CRMP1: variants seen among roughly 807,000 people sequenced by gnomAD.
The protein encoded by CRMP1 is collapsin response mediator protein 1.
In CRMP1, 19 loss-of-function variants were observed where a neutral mutation model predicts 68.3. The ratio of observed to expected loss-of-function variants is 0.28; its 90% CI spans 0.19 to 0.41. CRMP1 has a LOEUF of 0.41. Ranked by LOEUF, CRMP1 falls within the 10% of genes least tolerant of loss-of-function variation. CRMP1 has a pLI of 1.00. For missense variants in CRMP1, 791 were observed against 967.4 expected, an observed-to-expected ratio of 0.82 and a Z score of 2.42; for synonymous variants, 439 against 399.6, an observed-to-expected ratio of 1.10 and a Z score of -1.18.
rs73063635 is a variant in CRMP1, at chr4:5,860,900, G to T, written c.655+126C>A. 1.6e-3 allele frequency: 1,517 copies of T among 926,926 alleles called. 16 individuals carry two copies. The African/African-American group carries it at 0.021, about 13-fold the overall frequency. The allele number at this position is 926,926 out of a possible 1,614,324, so 57.4% of individuals were successfully genotyped here. On this transcript the variant is annotated intron_variant, in intron 3 of 13. Transcript: ENST00000324989. This position sits in a 1 kb window ranked among gnomAD's most constrained non-coding sequence, Gnocchi z 4.2. ...AACAGTGACCTGTGTCATAGGGCTG[G>T]GGGGAGAATGAAATCCAATGGCACC...
chr4:5,839,199 CG>C (rs1180972783), intron 9 of CRMP1, among the ~76,000 whole-genome samples: 1 of 152,220 alleles, frequency 6.6e-6, no homozygotes, highest in Non-Finnish European at 1.5e-5. Context: ...GTGCCAGGTC[CG>C]GGGTGACACA....
chr4:5,832,502 C>T (rs1286424507), intron 11 of CRMP1, among the ~76,000 whole-genome samples: 2 of 152,192 alleles, frequency 1.3e-5, no homozygotes, highest in African/African-American at 4.8e-5. Flanking sequence ...AAGGAATGAT[C>T]TCTTTTCATT....
In CRMP1 at chr4:5,854,518, T is replaced by C. The variant is rs1034807543; in HGVS notation, c.820+1625A>G. Among the ~76,000 whole-genome samples, 1 of 151,184 alleles carries C rather than the reference T, an allele frequency of 6.6e-6. No individual in the cohort carries two copies. The highest frequency in any genetic ancestry group is 1.5e-5 in the Non-Finnish European group (1 of 67,888). ...CCTCAGCCTCCCGAAGTGCTAGGAT[T>C]ACAGGCATGAGCCACCATGGCCAAT... On this transcript the variant is annotated intron_variant, in intron 4 of 13. Coordinates refer to ENST00000324989, the MANE Select transcript of CRMP1 (RefSeq NM_001014809.3). The surrounding 1 kb of genome is among the most constrained non-coding windows in gnomAD (Gnocchi z 4.0).
Position 5,834,999 on chromosome 4 carries a change from T to C in CRMP1, c.1623+916A>G, listed in dbSNP as rs1365007133. Among the ~76,000 whole-genome samples, 3 of 152,234 alleles carry C rather than the reference T, an allele frequency of 2.0e-5. No homozygotes were observed. The highest frequency in any genetic ancestry group is 7.2e-5 in the African/African-American group (3 of 41,464). ...GCTACAAGTGTTTCCTGTGGCTTTC[T>C]TATGAAACTTCCTTGTGCCTCATGT... On this transcript the variant is annotated intron_variant, in intron 11 of 13. Transcript: ENST00000324989. The surrounding 1 kb of genome is among the most constrained non-coding windows in gnomAD (Gnocchi z 4.3).
At chr4:5,873,159 G>C (rs1334140060) in intron 1 of CRMP1, among the ~76,000 whole-genome samples, 1 of 152,196 alleles carries the variant, frequency 6.6e-6, no homozygotes, top group East Asian at 1.9e-4. Flanking sequence ...GGGAGGCTAA[G>C]TCAACAGCTG....
At chr4:5,839,700 C>G (rs777224015) in intron 8 of CRMP1, 22 bp from the exon 9 acceptor site, 88 of 1,602,208 alleles carry the variant, frequency 5.5e-5, no homozygotes, top group Non-Finnish European at 7.2e-5. Context: ...AAAACATAAG[C>G]CTGGTTAAAA....
At chr4:5,823,241 A>G (rs922507300) in intron 13 of CRMP1, among the ~76,000 whole-genome samples, 5 of 152,150 alleles carry the variant, frequency 3.3e-5, no homozygotes, top group Admixed American at 2.6e-4. Flanking sequence ...ACATTACATG[A>G]TTTGTCTATG....
rs1423538532 is a variant in CRMP1, at chr4:5,892,865, C to T, written c.105G>A (p.Met35Ile). 7.1e-7 allele frequency: 1 copy of T among 1,417,348 alleles called. No individual in the cohort carries two copies. 87.8% of individuals were successfully genotyped at this position (1,417,348 alleles called of 1,614,324 possible). A position where few individuals can be genotyped will look rare whatever the true frequency, so the allele number is the denominator to read the frequency against. Residue 35 changes from methionine to isoleucine, a missense_variant, in exon 1 of 14, where the codon ATG (methionine) becomes ATA (isoleucine). Transcript: ENST00000324989. The surrounding 1 kb of genome is among the most constrained non-coding windows in gnomAD (Gnocchi z 8.6). ...CGTAGGCGCCCTCCACCGCGGCGAA[C>T]ATGCCGCCGTACTTCTGGCGCGGGG... ...AQTPRQKYGG[M>I]FAAVEGAYEN...
Position 5,821,947 on chromosome 4 carries a change from AC to A in CRMP1, c.1970-97del. 2 of 1,127,238 alleles carry A rather than the reference AC, an allele frequency of 1.8e-6. No individual in the cohort carries two copies. Among genetic ancestry groups the A allele is most frequent in the Non-Finnish European group, 2.5e-6 (2 of 793,686 alleles). 69.8% of individuals were successfully genotyped at this position (1,127,238 alleles called of 1,614,324 possible). A position where few individuals can be genotyped will look rare whatever the true frequency, so the allele number is the denominator to read the frequency against. On this transcript the variant is annotated intron_variant, in intron 13 of 13. Transcript: ENST00000324989. This position sits in a 1 kb window ranked among gnomAD's most constrained non-coding sequence, Gnocchi z 4.4. ...TGTACTCTGCCATGCACTCCACTGG[AC>A]CCACCTTCATTCAGGGCTCAGTCCA...
Position 5,870,941 on chromosome 4 carries a change from C to T in CRMP1, c.382-4185G>A, listed in dbSNP as rs1714393949. ...CTGGTGCATGGCTTCCGGAACACGG[C>T]CGCCCCGCAGGCACCCGTCTGTCTT... On this transcript the variant is annotated intron_variant, in intron 1 of 13. Transcript: ENST00000324989. This position sits in a 1 kb window ranked among gnomAD's most constrained non-coding sequence, Gnocchi z 6.0. Among the ~76,000 whole-genome samples, 2 of 152,180 alleles carry T rather than the reference C, an allele frequency of 1.3e-5. No homozygotes were observed. Among genetic ancestry groups the T allele is most frequent in the Non-Finnish European group, 2.9e-5 (2 of 68,044 alleles).
intron 11 of CRMP1, among the ~76,000 whole-genome samples, chr4:5,833,773 G>C (rs957955016): frequency 6.6e-6 from 1 of 152,090 alleles, no homozygotes; most frequent in Non-Finnish European, 1.5e-5. Context: ...GGCTGGGTGC[G>C]GTGGCTCACA....
chr4:5,856,624 T>TATC (rs1044126510), intron 3 of CRMP1, among the ~76,000 whole-genome samples: 3 of 134,846 alleles, frequency 2.2e-5, no homozygotes, highest in Non-Finnish European at 1.6e-5. Flanking sequence ...TGACCGCCAC[T>TATC]ATCATCATCA....
At position 5,891,037 on chromosome 4, in the gene CRMP1, C is replaced by T. The variant is rs537129741; in HGVS notation, c.381+1552G>A. Among the ~76,000 whole-genome samples, 48 of 152,126 alleles carry T rather than the reference C, an allele frequency of 3.2e-4. No homozygotes were observed. Among genetic ancestry groups the T allele is most frequent in the African/African-American group, 1.0e-3 (43 of 41,514 alleles). ...GCGGCCCAGAAGCCTCCCCATCGGG[C>T]TCGGGAGTTTGGATCCCAAGAGAGG... On this transcript the variant is annotated intron_variant, in intron 1 of 13. Coordinates refer to ENST00000324989, the MANE Select transcript of CRMP1 (RefSeq NM_001014809.3). The surrounding 1 kb of genome is among the most constrained non-coding windows in gnomAD (Gnocchi z 5.2).
intron 1 of CRMP1, chr4:5,887,426 G>T: frequency 1.0e-6 from 1 of 985,508 alleles, no homozygotes; most frequent in Non-Finnish European, 1.2e-6. Context: ...GGAACAGTCA[G>T]GCTCCACGCT....
chr4:5,856,369 C>G, intron 3 of CRMP1, 62 bp from the exon 4 acceptor site: 2 of 1,472,620 alleles, frequency 1.4e-6, no homozygotes. Context: ...GTAGCCACAT[C>G]ATTACCACTA....
At position 5,846,086 on chromosome 4, in the gene CRMP1, G is replaced by A. The variant is rs549912014; in HGVS notation, c.964-2925C>T. Among the ~76,000 whole-genome samples the A allele has an allele frequency of 8.2e-3, 1,254 of 152,168 alleles. 10 individuals are homozygous for A. Among genetic ancestry groups the A allele is most frequent in the Non-Finnish European group, 0.012 (826 of 67,994 alleles). On this transcript the variant is annotated intron_variant, in intron 6 of 13. Transcript: ENST00000324989. Reference sequence around the variant, plus strand: ...CGAGGCGGGCAGATCACTTGAGGTCGGGAGTTCAAGACCAGCCTGGCCAAC... The same window carrying A: ...CGAGGCGGGCAGATCACTTGAGGTCAGGAGTTCAAGACCAGCCTGGCCAAC...
rs1713983333 is a variant in CRMP1 at position 5,866,156 on chromosome 4, C to G, written c.470+512G>C. 6.6e-6 allele frequency among the ~76,000 whole-genome samples: 1 copy of G among 152,196 alleles called. No individual in the cohort carries two copies. The highest frequency in any genetic ancestry group is 2.4e-5 in the African/African-American group (1 of 41,454). ...CAATGAGAAGAAAGGGAAGGAAACT[C>G]CAGCCCCAATGTCTATCTTTTCTTT... is the stretch of plus-strand genomic sequence containing the variant. On this transcript the variant is annotated intron_variant, in intron 2 of 13. Transcript: ENST00000324989. This position sits in a 1 kb window ranked among gnomAD's most constrained non-coding sequence, Gnocchi z 5.9.
At position 5,859,827 on chromosome 4, in the gene CRMP1, A is replaced by G. The variant is rs1713401802; in HGVS notation, c.655+1199T>C. The stretch of plus-strand genomic sequence containing the variant: ...GGCGGTGGGCTTCAGCCCACAGACC[A>G]CACTTCCAAAGGGACTCCTTTGTGA... On this transcript the variant is annotated intron_variant, in intron 3 of 13. Coordinates refer to ENST00000324989, the MANE Select transcript of CRMP1 (RefSeq NM_001014809.3). The surrounding 1 kb of genome is among the most constrained non-coding windows in gnomAD (Gnocchi z 5.2). 6.6e-6 allele frequency among the ~76,000 whole-genome samples: 1 copy of G among 152,144 alleles called. No individual in the cohort carries two copies. The highest frequency in any genetic ancestry group is 1.5e-5 in the Non-Finnish European group (1 of 68,012).
In CRMP1 at chr4:5,883,655, GACACAC is replaced by G. The variant is rs148593249; in HGVS notation, c.381+8928_381+8933del. 6.7e-6 allele frequency among the ~76,000 whole-genome samples: 1 copy of G among 149,578 alleles called. No individual in the cohort carries two copies. Among genetic ancestry groups the G allele is most frequent in the Non-Finnish European group, 1.5e-5 (1 of 67,338 alleles). Reference sequence around the variant, plus strand: ...AGATGGCAAGATAATTAAGGTCAGGGACACACACACACACACACACACACATGCTTG... The same window carrying G: ...AGATGGCAAGATAATTAAGGTCAGGGACACACACACACACACACATGCTTG... On this transcript the variant is annotated intron_variant, in intron 1 of 13. Transcript: ENST00000324989. This position sits in a 1 kb window ranked among gnomAD's most constrained non-coding sequence, Gnocchi z 4.5.
Sources: gnomAD v4.1 joint callset for allele counts (sites outside exome capture counted in the v4.1 genomes callset) on GRCh38, gnomAD v4.1.1 for gene constraint, Gnocchi (gnomAD v3.1) non-coding constraint, MANE v1.5 for transcripts, NCBI Gene and HGNC (gene_info 2026-07-23, HGNC 2026-07-21) for gene names.